The following SEPTIN6 variants were observed in gnomAD, a reference collection of about 807,000 sequenced individuals.
SEPTIN6 encodes septin-6.
A neutral mutation model predicts 33.6 loss-of-function variants in SEPTIN6; 8 were observed. The ratio of observed to expected loss-of-function variants is 0.24; its 90% CI spans 0.14 to 0.43. The LOEUF (loss-of-function observed/expected upper bound fraction) is 0.43, where lower values mean the gene tolerates loss of function less well. Ranked by LOEUF, SEPTIN6 falls within the 20% of genes least tolerant of loss-of-function variation. SEPTIN6 has a pLI of 1.00. For synonymous variants in SEPTIN6, 131 were observed against 140.0 expected (o/e 0.94, Z 0.45); for missense variants, 250 against 340.8 (o/e 0.73, Z 2.10).
chrX:119,688,749 C>T (rs912383224), intron 1 of SEPTIN6, among the ~76,000 whole-genome samples: 6 of 109,490 alleles, frequency 5.5e-5, no homozygotes, highest in South Asian at 3.9e-4. Context: ...AAGAAACATC[C>T]CAAACACACA....
intron 2 of SEPTIN6, among the ~76,000 whole-genome samples, chrX:119,673,439 C>A: frequency 9.0e-6 from 1 of 110,875 alleles, no homozygotes; most frequent in Non-Finnish European, 1.9e-5. Flanking sequence ...AACAACTGCC[C>A]GTCATCTGTT....
At chrX:119,686,980 T>C (rs2055066856) in intron 1 of SEPTIN6, among the ~76,000 whole-genome samples, 1 of 110,913 alleles carries the variant, frequency 9.0e-6, no homozygotes, top group South Asian at 3.8e-4. Context: ...AAAAGACAAG[T>C]GTTTTTAAAC....
chrX:119,622,819 A>G (rs2053792744), intron 10 of SEPTIN6, among the ~76,000 whole-genome samples: 2 of 112,054 alleles, frequency 1.8e-5, no homozygotes, highest in Admixed American at 9.5e-5. Context: ...CATGTCAGAC[A>G]CTTCACTACG....
Position 119,650,050 on chromosome X carries a change from C to A in SEPTIN6, c.577G>T (p.Glu193Ter), listed in dbSNP as rs2147531494. 1 of 1,209,768 alleles carries A rather than the reference C, an allele frequency of 8.3e-7. No homozygotes were observed. The highest frequency in any genetic ancestry group is 2.2e-5 in the Admixed American group (1 of 45,695). Residue 193 changes from glutamate to a stop codon, truncating the protein, a stop_gained, in exon 5 of 11, where the codon GAG becomes TAG. Coordinates refer to ENST00000394610, the MANE Select transcript of SEPTIN6 (RefSeq NM_145799.4). LOFTEE classifies it high-confidence loss of function. The part of the protein sequence containing the change: ...IAKADAISKS[E>*]LTKFKIKITS... ...ATTTTGATTTTGAACTTTGTTAGCT[C>A]ACTCTTCGAAATGGCATCTGCTTTG... is the stretch of plus-strand genomic sequence containing the variant.
At chrX:119,629,549 G>T (rs2053922470) in intron 8 of SEPTIN6, 41 bp from the exon 9 acceptor site, 1 of 1,167,987 alleles carries the variant, frequency 8.6e-7, no homozygotes, top group East Asian at 3.0e-5. Flanking sequence ...AATCCCCTGT[G>T]AGCAGTCCCC....
chrX:119,657,119 T>A (rs1450679746), intron 3 of SEPTIN6, among the ~76,000 whole-genome samples: 1 of 104,578 alleles, frequency 9.6e-6, no homozygotes, highest in Non-Finnish European at 1.9e-5. Flanking sequence ...CTCGGGAGGC[T>A]GAGGCAGGAG....
intron 5 of SEPTIN6, among the ~76,000 whole-genome samples, chrX:119,642,286 A>G (rs1329780673): frequency 9.0e-6 from 1 of 110,886 alleles, no homozygotes; most frequent in African/African-American, 3.3e-5. Context: ...GTTGTTTCAG[A>G]GTAGGTAGTG....
At chrX:119,659,922 G>C (rs984310157) in intron 3 of SEPTIN6, among the ~76,000 whole-genome samples, 2 of 111,601 alleles carry the variant, frequency 1.8e-5, no homozygotes, top group Non-Finnish European at 3.8e-5. Flanking sequence ...GTCTAGGCTG[G>C]AGTGCCATGG....
At chrX:119,623,596 G>A (rs1363462435) in intron 10 of SEPTIN6, among the ~76,000 whole-genome samples, 4 of 112,216 alleles carry the variant, frequency 3.6e-5, no homozygotes, top group African/African-American at 1.3e-4. Context: ...TCAGCACTTT[G>A]GGAGGCCAAG....
At chrX:119,650,810 C>T (rs765405792) in intron 4 of SEPTIN6, among the ~76,000 whole-genome samples, 1 of 111,510 alleles carries the variant, frequency 9.0e-6, no homozygotes, top group South Asian at 3.7e-4. Flanking sequence ...ACAATTTGAT[C>T]TGAGACTTAT....
At position 119,618,270 on chromosome X, in the gene SEPTIN6, G is replaced by A; in HGVS notation, c.*1823C>T. 2.5e-6 allele frequency: 2 copies of A among 802,720 alleles called. No homozygotes were observed. Among genetic ancestry groups the A allele is most frequent in the Non-Finnish European group, 3.0e-6 (2 of 671,313 alleles). 66.2% of individuals were successfully genotyped at this position (802,720 alleles called of 1,213,427 possible). A position where few individuals can be genotyped will look rare whatever the true frequency, so the allele number is the denominator to read the frequency against. On this transcript the variant is annotated 3_prime_UTR_variant, in exon 11 of 11. Transcript: ENST00000394610. Reference sequence around the variant, plus strand: ...TTGAATTTTCCCAAGAAACTGGCTTGTGCTTTGGCAGCATCACCTTCATAC... The same window carrying A: ...TTGAATTTTCCCAAGAAACTGGCTTATGCTTTGGCAGCATCACCTTCATAC...
chrX:119,662,410 C>T (rs1170003619), intron 3 of SEPTIN6, among the ~76,000 whole-genome samples: 2 of 111,921 alleles, frequency 1.8e-5, no homozygotes, highest in African/African-American at 3.2e-5. Context: ...CATGTGTCCA[C>T]TCTCCAAAGC....
intron 2 of SEPTIN6, among the ~76,000 whole-genome samples, chrX:119,666,269 C>A (rs2054638088): frequency 1.8e-5 from 2 of 111,945 alleles, no homozygotes; most frequent in Non-Finnish European, 3.8e-5. Flanking sequence ...ACAGTCGGGA[C>A]TGGGTTTGCA....
At chrX:119,644,219 C>T (rs957049174) in intron 5 of SEPTIN6, among the ~76,000 whole-genome samples, 4 of 110,953 alleles carry the variant, frequency 3.6e-5, no homozygotes, top group African/African-American at 9.9e-5. Flanking sequence ...CTGTGTGACT[C>T]TCTCACTCAG....
At chrX:119,668,727 AG>A (rs2054691990) in intron 2 of SEPTIN6, among the ~76,000 whole-genome samples, 1 of 111,909 alleles carries the variant, frequency 8.9e-6, no homozygotes, top group South Asian at 3.7e-4. Context: ...TTGAAGCAGG[AG>A]GATCAGTTGA....
At chrX:119,642,010 A>C (rs1236047267) in intron 5 of SEPTIN6, among the ~76,000 whole-genome samples, 1 of 111,023 alleles carries the variant, frequency 9.0e-6, no homozygotes, top group Non-Finnish European at 1.9e-5. Context: ...ACGTAATAGC[A>C]AAAAAGCACA....
chrX:119,663,448 T>TCGC, intron 3 of SEPTIN6, 34 bp downstream of exon 3: 2 of 751,154 alleles, frequency 2.7e-6, no homozygotes, highest in Non-Finnish European at 4.0e-6. Context: ...TCTACCAACC[T>TCGC]CCCCACCCTA....
chrX:119,622,416 C>T (rs990645230), intron 10 of SEPTIN6, among the ~76,000 whole-genome samples: 1 of 111,589 alleles, frequency 9.0e-6, no homozygotes, highest in African/African-American at 3.3e-5. Context: ...TGAATGAGGG[C>T]TTTGAGGAGG....
chrX:119,625,541 A>C, intron 9 of SEPTIN6, 162 bp from the exon 10 acceptor site: 3 of 388,838 alleles, frequency 7.7e-6, no homozygotes, highest in South Asian at 4.6e-5. Context: ...AAACACTGAT[A>C]CTCTTTTTTT....
Sources: gnomAD v4.1 joint callset for allele counts (sites outside exome capture counted in the v4.1 genomes callset) on GRCh38, gnomAD v4.1.1 for gene constraint, MANE v1.5 for transcripts, NCBI Gene and HGNC (gene_info 2026-07-23, HGNC 2026-07-21) for gene names.